Variants in PES1 observed in about 807,000 individuals in gnomAD.
PES1 encodes pescadillo homolog.
Under a neutral mutation model 77.1 loss-of-function variants are expected in PES1, and 31 were observed. The observed-to-expected ratio is 0.40, with a 90% confidence interval of 0.30 to 0.54. The LOEUF is 0.54. Among genes scored for constraint, PES1 ranks in the 20% least tolerant of loss-of-function variants. The pLI is 0.45. For missense variants in PES1, 658 were observed against 771.7 expected, an observed-to-expected ratio of 0.85 and a Z score of 1.75; for synonymous variants, 282 against 303.0, an observed-to-expected ratio of 0.93 and a Z score of 0.72.
exon 1 of PES1, chr22:30,606,974 G>T: frequency 1.2e-6 from 1 of 841,448 alleles, no homozygotes; most frequent in Non-Finnish European, 1.6e-6. Flanking sequence ...AGACTTGACA[G>T]ATCAGGCATC....
intron 1 of PES1, among the ~76,000 whole-genome samples, chr22:30,606,084 T>C (rs1007953795): frequency 1.3e-5 from 2 of 152,224 alleles, no homozygotes; most frequent in Non-Finnish European, 2.9e-5. Flanking sequence ...TTAACTCGTA[T>C]ACATTGATTC....
intron 14 of PES1, 58 bp from the exon 15 acceptor site, chr22:30,577,187 C>T: frequency 7.2e-7 from 1 of 1,391,920 alleles, no homozygotes. Flanking sequence ...GGGTGGGGGG[C>T]ACAGAACTCA....
At chr22:30,583,439 G>A (rs982303808) in intron 6 of PES1, among the ~76,000 whole-genome samples, 16 of 152,232 alleles carry the variant, frequency 1.1e-4, no homozygotes, top group African/African-American at 2.4e-4. Context: ...TAACTGGACC[G>A]GCAGCGGCTG....
rs755418344 is a variant in PES1, at chr22:30,588,067, C to T, written c.212G>A (p.Arg71Lys). The T allele has an allele frequency of 1.2e-6, 2 of 1,614,172 alleles. No homozygotes were observed. Among genetic ancestry groups the T allele is most frequent in the Non-Finnish European group, 1.7e-6 (2 of 1,180,052 alleles). ...ARTFYLIKDI[R>K]FLLHEPIVNK... ...GACAATGGGTTCGTGGAGGAGAAAC[C>T]TGATGTCTTTGATAAGGTAAAACGT... Residue 71 changes from arginine to lysine, a missense_variant, in exon 3 of 15, where the codon AGG (arginine) becomes AAG (lysine). Coordinates refer to ENST00000354694, the MANE Select transcript of PES1 (RefSeq NM_014303.4).
At chr22:30,606,720 T>A in intron 1 of PES1, 11 of 36,522 alleles carry the variant, frequency 3.0e-4, no homozygotes, top group Non-Finnish European at 4.1e-4. Context: ...CCTCCCCAAC[T>A]GCCCAACTCC....
In PES1 at chr22:30,587,356, C is replaced by T. The variant is rs747591725; in HGVS notation, c.298G>A (p.Glu100Lys). ...TTTAAACGCTCTACAGTGTTCCACT[C>T]GCTCTTCCCATAAGCCTTCCGGAGC... Reference protein sequence around the residue: ...RKLRKAYGKSEWNTVERLKDN... With the variant: ...RKLRKAYGKSKWNTVERLKDN... The change falls in exon 4 of 15, where the codon GAG becomes AAG. Residue 100 changes from glutamate (E) to lysine (K), a missense_variant. Physicochemically the swap from Glu to Lys is moderately conservative, Grantham distance 56. Transcript: ENST00000354694. The T allele has an allele frequency of 6.2e-6, 10 of 1,613,926 alleles. No individual in the cohort carries two copies. The South Asian group carries it at 8.8e-5, about 14-fold the overall frequency.
chr22:30,606,905 C>G (rs758025847), exon 1 of PES1: 89 of 1,063,244 alleles, frequency 8.4e-5, no homozygotes, highest in Non-Finnish European at 1.0e-4. Context: ...GGTAGGCACC[C>G]GGTCCTGCCA....
Position 30,579,008 on chromosome 22 carries a change from C to T in PES1, c.1522-10G>A. ...CCATCACCCTGGGCTTCTGGGGACA[C>T]AAGGAGGGTGCTTATGGGGGCAGGT... On this transcript the variant is annotated splice_polypyrimidine_tract_variant and intron_variant, in intron 13 of 14. Coordinates refer to ENST00000354694, the MANE Select transcript of PES1 (RefSeq NM_014303.4). 1 of 1,608,712 alleles carries T rather than the reference C, an allele frequency of 6.2e-7. No homozygotes were observed. The highest frequency in any genetic ancestry group is 8.5e-7 in the Non-Finnish European group (1 of 1,179,912).
chr22:30,606,894 G>A lies in PES1; in HGVS notation c.-803C>T, dbSNP rs977436801. ...AGGGGCTCCTTTGGTAAGGAGTACC[G>A]GGTAGGCACCCGGTCCTGCCAATCC... On this transcript the variant is annotated 5_prime_UTR_variant, in exon 1 of 17. Transcript: ENST00000402281. 5.1e-5 allele frequency: 54 copies of A among 1,058,060 alleles called. No homozygotes were observed. The South Asian group carries it at 1.2e-3, about 23-fold the overall frequency. 65.5% of individuals were successfully genotyped at this position (1,058,060 alleles called of 1,614,324 possible). A position where few individuals can be genotyped will look rare whatever the true frequency, so the allele number is the denominator to read the frequency against.
chr22:30,581,547 T>G lies in PES1; in HGVS notation c.728A>C (p.Asn243Thr), dbSNP rs767357064. ...FVNFRLYQLLNLHYPPKLEGQ... is the reference protein window; with the variant it reads ...FVNFRLYQLLTLHYPPKLEGQ... ...TCCTACCTTCGGGGGATAGTGGAGG[T>G]TGAGCAACTGGTAAAGGCGGAAGTT... Residue 243 changes from asparagine (N) to threonine (T), a missense_variant, in exon 7 of 15, where the codon AAC becomes ACC. Physicochemically the swap from Asn to Thr is moderately conservative, Grantham distance 65. Coordinates refer to ENST00000354694, the MANE Select transcript of PES1 (RefSeq NM_014303.4). 1 of 1,613,570 alleles carries G rather than the reference T, an allele frequency of 6.2e-7. No homozygotes were observed.
At chr22:30,588,200 G>A (rs1429986333) in intron 2 of PES1, 26 bp from the exon 3 acceptor site, 1 of 1,614,022 alleles carries the variant, frequency 6.2e-7, no homozygotes, top group African/African-American at 1.3e-5. Flanking sequence ...CATCTGTTAT[G>A]TCAGTTATGT....
intron 2 of PES1, among the ~76,000 whole-genome samples, chr22:30,605,240 A>G (rs1277490244): frequency 1.3e-5 from 2 of 152,166 alleles, no homozygotes; most frequent in African/African-American, 2.4e-5. Flanking sequence ...GGCTCAAGCA[A>G]TCCTCCTGCC....
At chr22:30,595,795 G>A (rs901690305), upstream of PES1, among the ~76,000 whole-genome samples, 1 of 152,112 alleles carries the variant, frequency 6.6e-6, no homozygotes, top group African/African-American at 2.4e-5. Flanking sequence ...GTGGACCCTG[G>A]GCTTACCGGC....
At chr22:30,585,255 A>C (rs976328572) in intron 4 of PES1, 1 of 471,274 alleles carries the variant, frequency 2.1e-6, no homozygotes. Context: ...TGGCAGAACC[A>C]ATGAGACCCA....
At chr22:30,589,165 G>C (rs761032640) in intron 2 of PES1, 26 bp downstream of exon 2, 2 of 1,584,454 alleles carry the variant, frequency 1.3e-6, no homozygotes, top group African/African-American at 2.7e-5. Context: ...CACTGCCCGG[G>C]CTTCCCACGG....
upstream of PES1, among the ~76,000 whole-genome samples, chr22:30,593,502 A>G (rs923283082): frequency 3.9e-5 from 6 of 151,902 alleles, no homozygotes; most frequent in South Asian, 2.1e-4. Flanking sequence ...TCAAAAAAAA[A>G]AAGAAGAAGA....
intron 2 of PES1, among the ~76,000 whole-genome samples, chr22:30,600,472 C>G (rs910659697): frequency 6.6e-6 from 1 of 151,934 alleles, no homozygotes; most frequent in African/African-American, 2.4e-5. Context: ...CGCTTGAACT[C>G]GGGAGTTCGA....
Position 30,579,864 on chromosome 22 carries a change from A to G in PES1, c.1241T>C (p.Phe414Ser). ...ARLLLPVAEY[F>S]SGVQLPPHLS... ...GTGTGGGGGCAGCTGCACCCCAGAG[A>G]AGTACTCTGCCACGGGGAGAAGGAG... Residue 414 changes from phenylalanine (F) to serine (S), a missense_variant, in exon 12 of 15, where the codon TTC becomes TCC. Physicochemically the swap from Phe to Ser is radical, Grantham distance 155. Coordinates refer to ENST00000354694, the MANE Select transcript of PES1 (RefSeq NM_014303.4). 6.2e-7 allele frequency: 1 copy of G among 1,614,100 alleles called. No homozygotes were observed. The highest frequency in any genetic ancestry group is 2.2e-5 in the East Asian group (1 of 44,876).
At chr22:30,591,934 GCTGT>G (rs1293223856), upstream of PES1, 47 of 1,461,928 alleles carry the variant, frequency 3.2e-5, no homozygotes, top group South Asian at 6.8e-5. Flanking sequence ...CCCACCCCAC[GCTGT>G]CTGTTTGTGC....
Sources: allele counts gnomAD v4.1 joint callset (sites outside exome capture counted in the v4.1 genomes callset), GRCh38; gene constraint gnomAD v4.1.1; transcripts MANE v1.5; gene names NCBI Gene and HGNC (gene_info 2026-07-23, HGNC 2026-07-21).